Variants in SP4 observed in about 807,000 individuals in gnomAD.
The protein encoded by SP4 is transcription factor Sp4.
Under a neutral mutation model 72.8 loss-of-function variants are expected in SP4, and 19 were observed. The observed-to-expected ratio is 0.26, with a 90% CI of 0.18 to 0.38. The LOEUF is 0.38. Among genes scored for constraint, SP4 ranks in the 10% least tolerant of loss-of-function variants. SP4 has a pLI of 1.00. For missense variants in SP4, 1,008 were observed against 926.3 expected (o/e 1.09, Z -1.14); for synonymous variants, 395 against 333.1 (o/e 1.19, Z -2.02).
intron 5 of SP4, among the ~76,000 whole-genome samples, chr7:21,499,258 A>C (rs551982395): frequency 4.7e-4 from 71 of 152,292 alleles, no homozygotes; most frequent in African/African-American, 1.6e-3. Flanking sequence ...CACATTTAAA[A>C]ATGTCCCTTT....
chr7:21,510,032 G>GT (rs967482200), intron 5 of SP4, among the ~76,000 whole-genome samples: 1 of 152,078 alleles, frequency 6.6e-6, no homozygotes, highest in Non-Finnish European at 1.5e-5. Context: ...TAAAACTATC[G>GT]TATCTTGTGA....
At position 21,428,186 on chromosome 7, in the gene SP4, T is replaced by TCGCCCC. The variant is rs1338897158; in HGVS notation, c.-64_-59dup. On this transcript the variant is annotated 5_prime_UTR_variant, in exon 1 of 6. Coordinates refer to ENST00000222584, the MANE Select transcript of SP4 (RefSeq NM_003112.5). ...GGCGGGACCGGCCTCTCCTCCCGCC[T>TCGCCCC]CGCCCCCACCCCCACCCACCTCTAT... 4.3e-5 allele frequency: 13 copies of TCGCCCC among 300,832 alleles called. No individual in the cohort carries two copies. The highest frequency in any genetic ancestry group is 6.5e-6 in the Non-Finnish European group (1 of 153,708). 18.6% of individuals were successfully genotyped at this position (300,832 alleles called of 1,614,324 possible).
At chr7:21,458,923 C>G (rs1562600073) in intron 3 of SP4, among the ~76,000 whole-genome samples, 2 of 152,164 alleles carry the variant, frequency 1.3e-5, no homozygotes, top group Non-Finnish European at 2.9e-5. Context: ...TGGAGTTAGA[C>G]TGATCCATGA....
In SP4 at chr7:21,444,228, C is replaced by T. The variant is rs573026502; in HGVS notation, c.1678+13385C>T. Reference sequence around the variant, plus strand: ...GATGATTGAATAACATGGGACTGAACTCCTGCTTCCATAATATTCCAGTGG... The same window carrying T: ...GATGATTGAATAACATGGGACTGAATTCCTGCTTCCATAATATTCCAGTGG... On this transcript the variant is annotated intron_variant, in intron 3 of 5. Coordinates refer to ENST00000222584, the MANE Select transcript of SP4 (RefSeq NM_003112.5). Among the ~76,000 whole-genome samples the T allele has an allele frequency of 8.5e-5, 13 of 152,288 alleles. No homozygotes were observed. In the South Asian group the frequency reaches 2.3e-3, roughly 27 times the overall value.
intron 5 of SP4, among the ~76,000 whole-genome samples, chr7:21,494,337 A>G (rs1041114077): frequency 7.2e-5 from 11 of 152,232 alleles, no homozygotes; most frequent in African/African-American, 2.4e-4. Context: ...AATAGAAGAA[A>G]TAAAACTATC....
At chr7:21,439,943 G>A (rs369416445) in intron 3 of SP4, among the ~76,000 whole-genome samples, 1 of 152,164 alleles carries the variant, frequency 6.6e-6, no homozygotes, top group Non-Finnish European at 1.5e-5. Flanking sequence ...TAAGACGCAA[G>A]AATCTTTCGA....
At chr7:21,475,402 C>G (rs910989743) in intron 3 of SP4, among the ~76,000 whole-genome samples, 19 of 152,128 alleles carry the variant, frequency 1.2e-4, no homozygotes, top group Admixed American at 3.3e-4. Flanking sequence ...GCCTGAGCCA[C>G]CACGCCTGGC....
At chr7:21,503,293 C>T (rs1781914756) in intron 5 of SP4, among the ~76,000 whole-genome samples, 1 of 152,160 alleles carries the variant, frequency 6.6e-6, no homozygotes, top group South Asian at 2.1e-4. Flanking sequence ...ATCTGTAGCT[C>T]TGCGCAAATA....
At chr7:21,470,250 AC>A (rs879581411) in intron 3 of SP4, among the ~76,000 whole-genome samples, 1 of 152,198 alleles carries the variant, frequency 6.6e-6, no homozygotes, top group Non-Finnish European at 1.5e-5. Context: ...TGTGTCAGGA[AC>A]CTTGGTAGCC....
At chr7:21,463,726 G>T (rs931730028) in intron 3 of SP4, among the ~76,000 whole-genome samples, 14 of 152,248 alleles carry the variant, frequency 9.2e-5, no homozygotes, top group African/African-American at 3.4e-4. Flanking sequence ...GAGCTGGGTT[G>T]TGTCTGTAGG....
chr7:21,429,435 A>G lies in SP4; in HGVS notation c.270A>G (p.Leu90=), dbSNP rs1225586935. The change falls in exon 3 of 6, where the codon CTA becomes CTG. Residue 90 remains leucine (L), a synonymous_variant. Coordinates refer to ENST00000222584, the MANE Select transcript of SP4 (RefSeq NM_003112.5). ...LVQLQNQPQQ[L]ELVTTQLAGN... The stretch of plus-strand genomic sequence containing the variant: ...AACTTCAAAATCAACCACAACAGCT[A>G]GAACTGGTAACAACGCAACTTGCTG... The G allele has an allele frequency of 3.7e-6, 6 of 1,614,206 alleles. No homozygotes were observed. The highest frequency in any genetic ancestry group is 5.1e-6 in the Non-Finnish European group (6 of 1,180,022).
intron 5 of SP4, among the ~76,000 whole-genome samples, chr7:21,504,859 G>A (rs1447399796): frequency 1.3e-5 from 2 of 152,176 alleles, no homozygotes; most frequent in Non-Finnish European, 2.9e-5. Flanking sequence ...CTGCTTGCAC[G>A]TATTTGGGCC....
intron 5 of SP4, among the ~76,000 whole-genome samples, chr7:21,510,294 A>C (rs1253335522): frequency 9.9e-5 from 15 of 152,194 alleles, no homozygotes; most frequent in Non-Finnish European, 2.1e-4. Context: ...CATCAGGATA[A>C]ACCAGTTAAC....
chr7:21,470,205 G>A (rs1344408236), intron 3 of SP4, among the ~76,000 whole-genome samples: 1 of 152,144 alleles, frequency 6.6e-6, no homozygotes, highest in African/African-American at 2.4e-5. Flanking sequence ...ATTATCATTC[G>A]CTTTATTTAA....
chr7:21,458,124 C>A (rs1783831364), intron 3 of SP4, among the ~76,000 whole-genome samples: 1 of 152,040 alleles, frequency 6.6e-6, no homozygotes, highest in Admixed American at 6.6e-5. Flanking sequence ...TCTTGTCTGA[C>A]CACGTCTTTA....
At chr7:21,433,591 G>T (rs1241484276) in intron 3 of SP4, among the ~76,000 whole-genome samples, 1 of 152,212 alleles carries the variant, frequency 6.6e-6, no homozygotes, top group Non-Finnish European at 1.5e-5. Context: ...TGGTTTTAAT[G>T]AAGCTAATGA....
rs1017340492 is a variant in SP4, at chr7:21,514,230, A to G, written c.*2961A>G. The G allele has an allele frequency of 1.3e-5, 2 of 152,640 alleles. No homozygotes were observed. Among genetic ancestry groups the G allele is most frequent in the Non-Finnish European group, 2.9e-5 (2 of 68,022 alleles). 9.5% of individuals were successfully genotyped at this position (152,640 alleles called of 1,614,324 possible). ...CATGAGAGCAGTAATAAAAGTGTGTAATCTAGGAGAAAAAGTTAATTTGTC... is the reference window on the plus strand; with the variant it reads ...CATGAGAGCAGTAATAAAAGTGTGTGATCTAGGAGAAAAAGTTAATTTGTC... On this transcript the variant is annotated 3_prime_UTR_variant, in exon 6 of 6. Transcript: ENST00000222584.
chr7:21,469,702 C>T (rs1003291714), intron 3 of SP4, among the ~76,000 whole-genome samples: 13 of 151,898 alleles, frequency 8.6e-5, no homozygotes, highest in South Asian at 6.3e-4. Flanking sequence ...CCACCACACC[C>T]GGCTAATTTT....
chr7:21,432,280 A>T (rs549507348), intron 3 of SP4, among the ~76,000 whole-genome samples: 1 of 152,362 alleles, frequency 6.6e-6, no homozygotes, highest in South Asian at 2.1e-4. Flanking sequence ...TCTCTGGATT[A>T]CAATCCTTAA....
Sources: gnomAD v4.1 joint callset for allele counts (sites outside exome capture counted in the v4.1 genomes callset) on GRCh38, gnomAD v4.1.1 for gene constraint, MANE v1.5 for transcripts, NCBI Gene and HGNC (gene_info 2026-07-23, HGNC 2026-07-21) for gene names.